DPP6: variants seen among roughly 807,000 people sequenced by gnomAD.
The protein encoded by DPP6 is A-type potassium channel modulatory protein DPP6.
In DPP6, 69 loss-of-function variants were observed where a neutral mutation model predicts 122.6. The ratio of observed to expected loss-of-function variants is 0.56; its 90% CI spans 0.46 to 0.69. The LOEUF (loss-of-function observed/expected upper bound fraction) is 0.69, where lower values mean the gene tolerates loss of function less well. DPP6 is among the 30% of genes least tolerant of loss of function. The pLI, the probability that DPP6 is intolerant of heterozygous loss-of-function variation, is 0.00. For missense variants in DPP6, 928 were observed against 1,116.9 expected (o/e 0.83, Z 2.41); for synonymous variants, 418 against 433.1 (o/e 0.97, Z 0.43).
intron 4 of DPP6, among the ~76,000 whole-genome samples, chr7:154,565,312 A>G (rs994389298): frequency 6.6e-6 from 1 of 152,238 alleles, no homozygotes; most frequent in Non-Finnish European, 1.5e-5. Context: ...ATGACTTTAT[A>G]GAACAAAGCA....
At chr7:154,311,478 T>C (rs1806877258) in intron 1 of DPP6, among the ~76,000 whole-genome samples, 1 of 148,364 alleles carries the variant, frequency 6.7e-6, no homozygotes. Flanking sequence ...GCCTGGGCAA[T>C]GGAGTGAAAC....
chr7:153,869,815 T>TCC, the DPP6 span, among the ~76,000 whole-genome samples: 3 of 152,202 alleles, frequency 2.0e-5, no homozygotes, highest in Non-Finnish European at 4.4e-5. Context: ...TTTTTAGTGC[T>TCC]TCCTTCAGGA....
At chr7:154,385,482 G>C (rs560970069) in intron 1 of DPP6, among the ~76,000 whole-genome samples, 1 of 152,140 alleles carries the variant, frequency 6.6e-6, no homozygotes, top group Non-Finnish European at 1.5e-5. Flanking sequence ...TGAGACTAAA[G>C]TCCCTCATCT....
chr7:154,875,972 G>A lies in DPP6; in HGVS notation c.1950G>A (p.Val650=). The change falls in exon 20 of 26, where the codon GTG becomes GTA. Residue 650 remains valine (V), a synonymous_variant. Transcript: ENST00000377770. The surrounding 1 kb of genome is among the most constrained non-coding windows in gnomAD (Gnocchi z 4.5). ...KFEVSWETVM[V]SSHGAVVVKC... ...AGGTGAGCTGGGAGACGGTGATGGT[G>A]AGCAGCCACGGCGCGGTGGTGGTAA... The A allele has an allele frequency of 3.7e-6, 6 of 1,613,508 alleles. No individual in the cohort carries two copies. The East Asian group carries it at 6.7e-5, about 18-fold the overall frequency.
At chr7:153,954,377 C>T (rs911274773) in intron 1 of DPP6, among the ~76,000 whole-genome samples, 3 of 152,060 alleles carry the variant, frequency 2.0e-5, no homozygotes, top group African/African-American at 7.2e-5. Flanking sequence ...GTGTGTCTAC[C>T]CATAATTATC....
intron 1 of DPP6, among the ~76,000 whole-genome samples, chr7:153,984,053 AACACAC>A (rs528640069): frequency 0.081 from 10,729 of 131,874 alleles, 494 homozygotes; most frequent in East Asian, 0.17. Context: ...TTCTGTCCAT[AACACAC>A]ACACACACAC....
chr7:153,810,671 C>CCTCTCTCTCT, the DPP6 span, among the ~76,000 whole-genome samples: 1,095 of 124,628 alleles, frequency 8.8e-3, 16 homozygotes, highest in African/African-American at 0.012. Flanking sequence ...CTCTCTCTCT[C>CCTCTCTCTCT]CTCTCTCTCT....
At chr7:154,586,114 G>C (rs1832428795) in intron 5 of DPP6, among the ~76,000 whole-genome samples, 1 of 152,030 alleles carries the variant, frequency 6.6e-6, no homozygotes, top group Non-Finnish European at 1.5e-5. Context: ...CTGAGTGTCT[G>C]GAGTTGACCC....
At chr7:154,716,577 T>C (rs1290593264) in intron 7 of DPP6, among the ~76,000 whole-genome samples, 2 of 152,148 alleles carry the variant, frequency 1.3e-5, no homozygotes, top group Non-Finnish European at 2.9e-5. Context: ...CTCCTGGATG[T>C]GGGACAGCAG....
At chr7:153,992,976 C>G (rs1164449703) in intron 1 of DPP6, among the ~76,000 whole-genome samples, 1 of 151,988 alleles carries the variant, frequency 6.6e-6, no homozygotes, top group South Asian at 2.1e-4. Flanking sequence ...TCATAGCTCT[C>G]TCCCCCTACC....
At chr7:154,005,829 G>A (rs544755386) in intron 1 of DPP6, among the ~76,000 whole-genome samples, 165 of 152,162 alleles carry the variant, frequency 1.1e-3, no homozygotes, top group African/African-American at 3.5e-3. Flanking sequence ...CTGCAAGCAT[G>A]AGCTTCTAAG....
At chr7:154,207,956 A>AG (rs1799537738) in intron 1 of DPP6, among the ~76,000 whole-genome samples, 1 of 146,588 alleles carries the variant, frequency 6.8e-6, no homozygotes, top group African/African-American at 2.7e-5. Flanking sequence ...CTGCCTCAAA[A>AG]AAAAAAAAAA....
intron 1 of DPP6, among the ~76,000 whole-genome samples, chr7:153,918,318 CAT>C (rs1400148445): frequency 6.6e-6 from 1 of 152,066 alleles, no homozygotes; most frequent in Non-Finnish European, 1.5e-5. Flanking sequence ...CTGCAGAAAT[CAT>C]GTGTTTATAG....
chr7:153,762,011 G>A, the DPP6 span, among the ~76,000 whole-genome samples: 1 of 152,086 alleles, frequency 6.6e-6, no homozygotes, highest in Non-Finnish European at 1.5e-5. Context: ...AAGATAATGG[G>A]ACTTATTGCT....
intron 5 of DPP6, among the ~76,000 whole-genome samples, chr7:154,596,161 A>G (rs1465665298): frequency 6.6e-6 from 1 of 152,272 alleles, no homozygotes; most frequent in East Asian, 1.9e-4. Flanking sequence ...CTTTTAGAAC[A>G]GTGCAGTACT....
At chr7:154,807,191 A>AG in intron 16 of DPP6, 79 bp downstream of exon 16, 2 of 1,204,114 alleles carry the variant, frequency 1.7e-6, no homozygotes, top group African/African-American at 1.5e-5. Context: ...ACTTGCAGGG[A>AG]GGGGGCAGCG....
At chr7:154,129,729 C>A (rs527715075) in intron 1 of DPP6, among the ~76,000 whole-genome samples, 87 of 152,072 alleles carry the variant, frequency 5.7e-4, no homozygotes, top group Non-Finnish European at 1.1e-3. Context: ...GAAACCCTGT[C>A]TCTGCTAAAA....
intron 1 of DPP6, among the ~76,000 whole-genome samples, chr7:154,261,029 G>A (rs1286949637): frequency 6.6e-6 from 1 of 151,934 alleles, no homozygotes; most frequent in Non-Finnish European, 1.5e-5. Context: ...CCAAGTAGTT[G>A]GAACTGCAGG....
intron 1 of DPP6, among the ~76,000 whole-genome samples, chr7:153,998,921 T>C (rs1437028437): frequency 6.6e-6 from 1 of 152,242 alleles, no homozygotes; most frequent in Non-Finnish European, 1.5e-5. Flanking sequence ...TTAACACACA[T>C]CATCTTTTGT....
Sources: gnomAD v4.1 joint callset for allele counts (sites outside exome capture counted in the v4.1 genomes callset) on GRCh38, gnomAD v4.1.1 for gene constraint, Gnocchi (gnomAD v3.1) non-coding constraint, MANE v1.5 for transcripts, NCBI Gene and HGNC (gene_info 2026-07-23, HGNC 2026-07-21) for gene names.